ZFPM2: variants seen among roughly 807,000 people sequenced by gnomAD.
ZFPM2 encodes the protein zinc finger protein ZFPM2.
In ZFPM2, 20 loss-of-function variants were observed where a neutral mutation model predicts 98.6. That is an observed-to-expected ratio of 0.20 (90% CI 0.14 to 0.29). The LOEUF (loss-of-function observed/expected upper bound fraction) is 0.29, where lower values mean the gene tolerates loss of function less well. ZFPM2 is among the 10% of genes least tolerant of loss of function. ZFPM2 has a pLI of 1.00. For missense variants in ZFPM2, 1,310 were observed against 1,388.6 expected, an observed-to-expected ratio of 0.94 and a Z score of 0.90; for synonymous variants, 518 against 502.7, an observed-to-expected ratio of 1.03 and a Z score of -0.41.
chr8:105,570,337 G>A (rs185409166), intron 4 of ZFPM2, among the ~76,000 whole-genome samples: 69 of 151,724 alleles, frequency 4.5e-4, no homozygotes, highest in African/African-American at 1.7e-3. Flanking sequence ...TTTTGATGGA[G>A]GGGGATTACT....
At chr8:105,690,307 A>G (rs1211783184) in intron 5 of ZFPM2, among the ~76,000 whole-genome samples, 1 of 152,228 alleles carries the variant, frequency 6.6e-6, no homozygotes, top group Non-Finnish European at 1.5e-5. Context: ...ACTATGTTAA[A>G]ATGATGTTCT....
chr8:105,450,166 A>G (rs575386830), intron 3 of ZFPM2, among the ~76,000 whole-genome samples: 55 of 152,216 alleles, frequency 3.6e-4, no homozygotes, highest in African/African-American at 1.3e-3. Context: ...AACATTATGG[A>G]TATATACAGA....
chr8:105,769,648 T>C (rs1812940026), intron 5 of ZFPM2, among the ~76,000 whole-genome samples: 3 of 152,074 alleles, frequency 2.0e-5, no homozygotes, highest in African/African-American at 4.8e-5. Context: ...CATGAACTTG[T>C]GTTTTTTATG....
chr8:105,660,783 G>T (rs577455813), intron 5 of ZFPM2, among the ~76,000 whole-genome samples: 11 of 152,240 alleles, frequency 7.2e-5, no homozygotes, highest in African/African-American at 2.2e-4. Context: ...TCCTTAAAAC[G>T]TAGGTATCTC....
chr8:105,754,561 T>A (rs1052546621), intron 5 of ZFPM2, among the ~76,000 whole-genome samples: 1 of 152,126 alleles, frequency 6.6e-6, no homozygotes, highest in Non-Finnish European at 1.5e-5. Flanking sequence ...CTAGGGCCCC[T>A]GATCTCAAGA....
intron 3 of ZFPM2, among the ~76,000 whole-genome samples, chr8:105,486,085 G>T (rs1813225873): frequency 6.6e-6 from 1 of 151,922 alleles, no homozygotes; most frequent in South Asian, 2.1e-4. Context: ...TTCAGAAATG[G>T]ATCTTTCTGG....
At chr8:105,335,079 A>C (rs1812303902) in intron 1 of ZFPM2, among the ~76,000 whole-genome samples, 1 of 151,808 alleles carries the variant, frequency 6.6e-6, no homozygotes, top group African/African-American at 2.4e-5. Context: ...AAAATTAAAT[A>C]TGTTGAATTT....
At chr8:105,686,320 A>AT (rs575925932) in intron 5 of ZFPM2, among the ~76,000 whole-genome samples, 4 of 151,874 alleles carry the variant, frequency 2.6e-5, no homozygotes, top group East Asian at 3.9e-4. Context: ...CATTTACTTG[A>AT]TTTTTTTTAA....
intron 4 of ZFPM2, among the ~76,000 whole-genome samples, chr8:105,627,759 G>T (rs1413536380): frequency 6.6e-6 from 1 of 152,096 alleles, no homozygotes; most frequent in Non-Finnish European, 1.5e-5. Flanking sequence ...TGGTGAATTG[G>T]CCATTGGATC....
chr8:105,446,407 C>T (rs963730589), intron 3 of ZFPM2, among the ~76,000 whole-genome samples: 3 of 152,014 alleles, frequency 2.0e-5, no homozygotes, highest in African/African-American at 7.3e-5. Context: ...CATAGCTTTT[C>T]CAGTGACTTG....
intron 5 of ZFPM2, among the ~76,000 whole-genome samples, chr8:105,687,474 TAA>T (rs1389305227): frequency 1.3e-5 from 2 of 152,110 alleles, no homozygotes; most frequent in African/African-American, 4.8e-5. Flanking sequence ...GCCAAGAAGC[TAA>T]GAGATTACTT....
intron 1 of ZFPM2, among the ~76,000 whole-genome samples, chr8:105,322,527 C>A (rs1253505389): frequency 2.0e-5 from 3 of 148,536 alleles, no homozygotes; most frequent in Non-Finnish European, 3.0e-5. Flanking sequence ...AAAGGAGAAA[C>A]TCAAGTAATT....
At chr8:105,598,442 A>G (rs1479120206) in intron 4 of ZFPM2, among the ~76,000 whole-genome samples, 1 of 152,178 alleles carries the variant, frequency 6.6e-6, no homozygotes, top group African/African-American at 2.4e-5. Context: ...TGCTTGCCAA[A>G]TGATAATCAC....
intron 1 of ZFPM2, among the ~76,000 whole-genome samples, chr8:105,384,805 C>T (rs935052613): frequency 2.0e-5 from 3 of 152,090 alleles, no homozygotes; most frequent in African/African-American, 7.2e-5. Context: ...TTAGACGAAA[C>T]CCTGAATTGA....
chr8:105,337,177 G>T (rs1343327524), intron 1 of ZFPM2, among the ~76,000 whole-genome samples: 1 of 151,668 alleles, frequency 6.6e-6, no homozygotes, highest in Non-Finnish European at 1.5e-5. Context: ...TTATGGTATG[G>T]CCTCTTCCCC....
intron 5 of ZFPM2, among the ~76,000 whole-genome samples, chr8:105,655,223 C>CTTTTTTT (rs34262627): frequency 2.6e-4 from 20 of 76,098 alleles, no homozygotes; most frequent in Non-Finnish European, 3.5e-4. Flanking sequence ...TGCATTGAGT[C>CTTTTTTT]TTTTTTTTTT....
intron 3 of ZFPM2, among the ~76,000 whole-genome samples, chr8:105,536,909 T>C (rs1234448233): frequency 6.6e-6 from 1 of 152,158 alleles, no homozygotes; most frequent in Admixed American, 6.5e-5. Context: ...ATGTATCAGC[T>C]ATGGATATTT....
intron 1 of ZFPM2, among the ~76,000 whole-genome samples, chr8:105,365,880 T>G (rs552296424): frequency 3.3e-5 from 5 of 152,094 alleles, no homozygotes; most frequent in Admixed American, 6.6e-5. Flanking sequence ...TTTATTTAAT[T>G]CCTCCCTTCA....
intron 5 of ZFPM2, among the ~76,000 whole-genome samples, chr8:105,767,364 A>G (rs1812877268): frequency 6.6e-6 from 1 of 151,948 alleles, no homozygotes; most frequent in Non-Finnish European, 1.5e-5. Context: ...CACAGAAATA[A>G]AAGGCTCAGG....
Sources: allele counts gnomAD v4.1 joint callset (sites outside exome capture counted in the v4.1 genomes callset), GRCh38; gene constraint gnomAD v4.1.1; transcripts MANE v1.5; gene names NCBI Gene and HGNC (gene_info 2026-07-23, HGNC 2026-07-21).